Variants in EMSY observed in about 807,000 individuals in gnomAD.
The protein encoded by EMSY is BRCA2-interacting transcriptional repressor EMSY.
Under a neutral mutation model 134.6 loss-of-function variants are expected in EMSY, and 26 were observed. The ratio of observed to expected loss-of-function variants is 0.19; its 90% CI spans 0.14 to 0.27. EMSY has a LOEUF of 0.27. Ranked by LOEUF, EMSY falls within the 10% of genes least tolerant of loss-of-function variation. The probability of loss-of-function intolerance (pLI) is 1.00; values close to 1 mark genes in which losing one functional copy is unlikely to be tolerated. For synonymous variants in EMSY, 579 were observed against 577.8 expected (o/e 1.00, Z -0.03); for missense variants, 1,305 against 1,611.4 (o/e 0.81, Z 3.26).
intron 13 of EMSY, among the ~76,000 whole-genome samples, chr11:76,527,326 T>C (rs544357043): frequency 2.0e-5 from 3 of 152,262 alleles, no homozygotes; most frequent in East Asian, 3.9e-4. Context: ...CCAAATACTT[T>C]ACGTATCTAA....
At chr11:76,486,025 G>C (rs927584887) in intron 8 of EMSY, among the ~76,000 whole-genome samples, 2 of 152,168 alleles carry the variant, frequency 1.3e-5, no homozygotes, top group Non-Finnish European at 2.9e-5. Flanking sequence ...TGGTAGACTG[G>C]GTAAAGAAAG....
intron 8 of EMSY, among the ~76,000 whole-genome samples, chr11:76,487,025 C>G (rs755542881): frequency 3.5e-4 from 53 of 152,186 alleles, no homozygotes; most frequent in Non-Finnish European, 6.8e-4. Context: ...CGCCTGTAAT[C>G]CCAGCACTTT....
chr11:76,518,703 A>ATATT (rs57143914), intron 11 of EMSY, among the ~76,000 whole-genome samples: 7,962 of 130,072 alleles, frequency 0.061, 412 homozygotes, highest in East Asian at 0.21. Context: ...ATATATATAT[A>ATATT]TTTTTTTTTT....
In EMSY at chr11:76,517,526, T is replaced by C. The variant is rs142400269; in HGVS notation, c.1684+1214T>C. Among the ~76,000 whole-genome samples, 414 of 152,306 alleles carry C rather than the reference T, an allele frequency of 2.7e-3. 1 individual carries two copies. The highest frequency in any genetic ancestry group is 9.1e-3 in the African/African-American group (380 of 41,570). On this transcript the variant is annotated intron_variant, in intron 11 of 20. Coordinates refer to ENST00000334736, the Ensembl canonical transcript of EMSY. Reference sequence around the variant, plus strand: ...TAGTTTTTTATGACCTTAAGGATTTTTCTTTACTTATACATGAATTTATAG... The same window carrying C: ...TAGTTTTTTATGACCTTAAGGATTTCTCTTTACTTATACATGAATTTATAG...
chr11:76,445,488 T>C (rs373448271), intron 1 of EMSY, among the ~76,000 whole-genome samples: 3 of 151,878 alleles, frequency 2.0e-5, no homozygotes, highest in East Asian at 1.9e-4. Flanking sequence ...GACTTGACAT[T>C]GGGACCGGCG....
intron 12 of EMSY, among the ~76,000 whole-genome samples, chr11:76,524,370 C>T (rs1220403073): frequency 6.6e-6 from 1 of 152,124 alleles, no homozygotes; most frequent in Non-Finnish European, 1.5e-5. Flanking sequence ...AGTGTCCCTA[C>T]CTTGCCTAAC....
chr11:76,536,077 C>A lies in EMSY; in HGVS notation c.2359+18C>A. ...GACAACAGGTATGAATTCACATGCT[C>A]AATTGAATGAAGCATGTTTTCTCTA... On this transcript the variant is annotated intron_variant, in intron 15 of 20. Transcript: ENST00000334736. The A allele has an allele frequency of 1.4e-6, 2 of 1,480,592 alleles. No homozygotes were observed. Among genetic ancestry groups the A allele is most frequent in the South Asian group, 3.0e-5 (2 of 67,788 alleles). The allele number at this position is 1,480,592 out of a possible 1,614,324, so 91.7% of individuals were successfully genotyped here.
intron 14 of EMSY, among the ~76,000 whole-genome samples, chr11:76,533,204 G>A (rs1052336569): frequency 1.3e-5 from 2 of 152,120 alleles, no homozygotes; most frequent in Non-Finnish European, 2.9e-5. Context: ...AAGGTGTTTA[G>A]AATCACTTTG....
chr11:76,458,403 A>G, intron 5 of EMSY, 45 bp downstream of exon 6: 1 of 1,479,834 alleles, frequency 6.8e-7, no homozygotes, highest in Non-Finnish European at 9.0e-7. Context: ...TTTTCTTAGA[A>G]TCTTCAAGAA....
chr11:76,454,576 T>C (rs1947797145), intron 4 of EMSY, among the ~76,000 whole-genome samples, 173 bp from the exon 5 acceptor site: 1 of 152,154 alleles, frequency 6.6e-6, no homozygotes, highest in African/African-American at 2.4e-5. Flanking sequence ...ATTTATGTGC[T>C]AGAGAATAAA....
chr11:76,460,724 A>G (rs1186176833), intron 6 of EMSY: 1 of 152,104 alleles, frequency 6.6e-6, no homozygotes, highest in African/African-American at 2.4e-5. Context: ...TCACGCGTGT[A>G]ATCCTAGCAC....
At chr11:76,495,380 G>A (rs1949612332) in intron 8 of EMSY, among the ~76,000 whole-genome samples, 1 of 152,090 alleles carries the variant, frequency 6.6e-6, no homozygotes, top group Non-Finnish European at 1.5e-5. Context: ...TATATTCCAG[G>A]TTCTCTCAGT....
At chr11:76,450,766 A>G (rs1947629736) in intron 2 of EMSY, among the ~76,000 whole-genome samples, 1 of 149,154 alleles carries the variant, frequency 6.7e-6, no homozygotes. Flanking sequence ...AGCTGGGATT[A>G]CAGGTGTGAG....
At chr11:76,504,170 G>A (rs776122104) in intron 9 of EMSY, among the ~76,000 whole-genome samples, 37 of 151,804 alleles carry the variant, frequency 2.4e-4, no homozygotes, top group Middle Eastern at 3.4e-3. Context: ...TTACATATCC[G>A]AAGCAACTGT....
intron 8 of EMSY, among the ~76,000 whole-genome samples, chr11:76,479,423 A>G (rs1451608150): frequency 6.6e-6 from 1 of 152,226 alleles, no homozygotes; most frequent in Admixed American, 6.5e-5. Context: ...ACTTCCACAG[A>G]GGGTAATAAA....
exon 1 of EMSY, chr11:76,445,039 C>T (rs1372492561): frequency 6.5e-6 from 1 of 152,940 alleles, no homozygotes; most frequent in Non-Finnish European, 1.5e-5. Flanking sequence ...CCATCTTGCC[C>T]CTTCAGAGGC....
At chr11:76,466,176 G>T (rs1485603561) in intron 7 of EMSY, among the ~76,000 whole-genome samples, 1 of 152,116 alleles carries the variant, frequency 6.6e-6, no homozygotes, top group Non-Finnish European at 1.5e-5. Flanking sequence ...TAAATTCTTA[G>T]CCTTCCCTTA....
chr11:76,519,675 G>A lies in EMSY; in HGVS notation c.1684+3363G>A, dbSNP rs544048103. ...AGACCAAGATTGTCAGGTGATTTTA[G>A]AATCTGTAAATAGAATAGTAAAATC... is the stretch of plus-strand genomic sequence containing the variant. On this transcript the variant is annotated intron_variant, in intron 11 of 20. Transcript: ENST00000334736. Among the ~76,000 whole-genome samples, 16 of 152,258 alleles carry A rather than the reference G, an allele frequency of 1.1e-4. No homozygotes were observed. The South Asian group carries it at 2.5e-3, about 24-fold the overall frequency.
intron 20 of EMSY, among the ~76,000 whole-genome samples, chr11:76,547,462 T>C (rs1041472869): frequency 6.6e-6 from 1 of 152,236 alleles, no homozygotes; most frequent in Non-Finnish European, 1.5e-5. Context: ...TATTTTCCCC[T>C]GAAGAGGTAA....
Sources: gnomAD v4.1 joint callset for allele counts (sites outside exome capture counted in the v4.1 genomes callset) on GRCh38, gnomAD v4.1.1 for gene constraint, MANE v1.5 for transcripts, NCBI Gene and HGNC (gene_info 2026-07-23, HGNC 2026-07-21) for gene names.